Variants in ADAM32 observed in about 807,000 individuals in gnomAD.
The protein encoded by ADAM32 is disintegrin and metalloproteinase domain-containing protein 32.
Under a neutral mutation model 114.9 loss-of-function variants are expected in ADAM32, and 89 were observed. That is an observed-to-expected ratio of 0.77 (90% confidence interval 0.65 to 0.92). ADAM32 has a LOEUF of 0.92. ADAM32 is among the 40% of genes least tolerant of loss of function. The probability of loss-of-function intolerance (pLI) is 0.00; values close to 1 mark genes in which losing one functional copy is unlikely to be tolerated. For missense variants in ADAM32, 870 were observed against 932.8 expected, an observed-to-expected ratio of 0.93 and a Z score of 0.88; for synonymous variants, 285 against 307.5, an observed-to-expected ratio of 0.93 and a Z score of 0.77.
chr8:39,132,811 C>A (rs943923014), intron 2 of ADAM32, among the ~76,000 whole-genome samples: 1 of 151,504 alleles, frequency 6.6e-6, no homozygotes, highest in African/African-American at 2.4e-5. Flanking sequence ...TACATTATTT[C>A]AAATGAACAA....
intron 2 of ADAM32, among the ~76,000 whole-genome samples, chr8:39,135,223 T>A (rs1382367927): frequency 6.6e-6 from 1 of 152,188 alleles, no homozygotes; most frequent in African/African-American, 2.4e-5. Context: ...CACATTCAGA[T>A]CAGGCTCACT....
At chr8:39,272,570 G>A (rs1010863913) in intron 20 of ADAM32, among the ~76,000 whole-genome samples, 13 of 152,090 alleles carry the variant, frequency 8.5e-5, no homozygotes, top group African/African-American at 3.1e-4. Flanking sequence ...ACATAGAAAA[G>A]CTACTGTAAA....
chr8:39,141,637 G>A (rs1233199769), intron 3 of ADAM32, among the ~76,000 whole-genome samples: 1 of 152,184 alleles, frequency 6.6e-6, no homozygotes, highest in Non-Finnish European at 1.5e-5. Flanking sequence ...GAATAAGTGT[G>A]ATGTGGTGCT....
upstream of ADAM32, chr8:39,107,592 G>A: frequency 7.1e-7 from 1 of 1,414,190 alleles, no homozygotes; most frequent in African/African-American, 1.5e-5. Context: ...TTAGCCTCGG[G>A]GCGCACGCTG....
chr8:39,193,593 G>A lies in ADAM32; in HGVS notation c.1052+6548G>A, dbSNP rs1167408791. ...GACATTCTGGCTTTTTGAGTTGTCC[G>A]AGTTCTTCCGCTGGTTCTTTCTCAT... On this transcript the variant is annotated intron_variant, in intron 11 of 24. Transcript: ENST00000379907. Among the ~76,000 whole-genome samples, 7 of 152,266 alleles carry A rather than the reference G, an allele frequency of 4.6e-5. No homozygotes were observed. In the South Asian group the frequency reaches 8.3e-4, roughly 18 times the overall value.
chr8:39,141,906 A>C (rs981480798), intron 3 of ADAM32, among the ~76,000 whole-genome samples: 8 of 152,152 alleles, frequency 5.3e-5, no homozygotes, highest in Non-Finnish European at 2.9e-5. Flanking sequence ...TAGGATAGTT[A>C]GCTCTTCTTG....
At chr8:39,199,842 A>G (rs1420958740) in intron 11 of ADAM32, among the ~76,000 whole-genome samples, 4 of 150,448 alleles carry the variant, frequency 2.7e-5, no homozygotes, top group African/African-American at 7.4e-5. Flanking sequence ...TCACTGTTCA[A>G]TTCCCACCTA....
At chr8:39,281,101 A>G (rs567063774) in intron 22 of ADAM32, 35 bp from the exon 23 acceptor site, 3 of 1,104,360 alleles carry the variant, frequency 2.7e-6, no homozygotes, top group East Asian at 3.6e-5. Context: ...TTAATAATAG[A>G]TATTTAATAT....
chr8:39,230,179 G>T (rs889164376), intron 14 of ADAM32, among the ~76,000 whole-genome samples: 1 of 152,164 alleles, frequency 6.6e-6, no homozygotes, highest in African/African-American at 2.4e-5. Context: ...GACTGTGGAA[G>T]AGCAAATTCT....
intron 14 of ADAM32, among the ~76,000 whole-genome samples, chr8:39,230,261 T>C (rs1446927430): frequency 6.6e-6 from 1 of 152,202 alleles, no homozygotes; most frequent in Non-Finnish European, 1.5e-5. Context: ...ATTTGCAAAG[T>C]GCTGCCCTTT....
At chr8:39,268,784 T>G (rs1317253850) in intron 19 of ADAM32, among the ~76,000 whole-genome samples, 2 of 152,328 alleles carry the variant, frequency 1.3e-5, no homozygotes, top group African/African-American at 4.8e-5. Context: ...AGTATGGAAA[T>G]AGTATATTTT....
chr8:39,219,353 T>C (rs1353671668), intron 12 of ADAM32, among the ~76,000 whole-genome samples: 1 of 152,098 alleles, frequency 6.6e-6, no homozygotes, highest in African/African-American at 2.4e-5. Flanking sequence ...CCTTGTGTCA[T>C]AGATTGCCCC....
At position 39,208,232 on chromosome 8, in the gene ADAM32, A is replaced by T. The variant is rs74919334; in HGVS notation, c.1053-2912A>T. On this transcript the variant is annotated intron_variant, in intron 11 of 24. Coordinates refer to ENST00000379907, the MANE Select transcript of ADAM32 (RefSeq NM_145004.7). ...TTATCCTCATCTTTTATAGTGTGTA[A>T]TTTTTTGTCTTTTTGATAATACCCA... Among the ~76,000 whole-genome samples the T allele has an allele frequency of 9.0e-3, 1,364 of 152,086 alleles. 26 individuals carry two copies. Among genetic ancestry groups the T allele is most frequent in the African/African-American group, 0.031 (1,304 of 41,500 alleles).
chr8:39,190,237 A>G (rs1400054906), intron 11 of ADAM32, among the ~76,000 whole-genome samples: 1 of 152,186 alleles, frequency 6.6e-6, no homozygotes, highest in East Asian at 1.9e-4. Context: ...CTTCTTTTCT[A>G]TGGCTGAATA....
At chr8:39,226,722 G>T (rs921767955) in intron 14 of ADAM32, among the ~76,000 whole-genome samples, 7 of 151,906 alleles carry the variant, frequency 4.6e-5, no homozygotes, top group African/African-American at 1.7e-4. Context: ...ACAAACAAAA[G>T]CTCAAGGAGT....
chr8:39,283,476 G>T, intron 23 of ADAM32, 110 bp from the exon 24 acceptor site: 70 of 548,946 alleles, frequency 1.3e-4, no homozygotes, highest in East Asian at 2.5e-4. Context: ...TTCTTTTTTA[G>T]TACAACTTTG....
chr8:39,165,504 A>G, intron 9 of ADAM32: 1 of 193,884 alleles, frequency 5.2e-6, no homozygotes, highest in Non-Finnish European at 1.0e-5. Context: ...TCTAGAGCCA[A>G]AACTCTTAAC....
intron 1 of ADAM32, among the ~76,000 whole-genome samples, chr8:39,113,918 AT>A (rs1185723644): frequency 1.3e-5 from 2 of 152,106 alleles, no homozygotes; most frequent in African/African-American, 4.8e-5. Flanking sequence ...TGAAAATAAC[AT>A]TTTCCAGGTC....
At chr8:39,188,526 A>T (rs1034720005) in intron 11 of ADAM32, among the ~76,000 whole-genome samples, 10 of 152,166 alleles carry the variant, frequency 6.6e-5, no homozygotes, top group African/African-American at 1.9e-4. Context: ...AAGATTAATG[A>T]TAATAAGATG....
Sources: allele counts gnomAD v4.1 joint callset (sites outside exome capture counted in the v4.1 genomes callset), GRCh38; gene constraint gnomAD v4.1.1; transcripts MANE v1.5; gene names NCBI Gene and HGNC (gene_info 2026-07-23, HGNC 2026-07-21).